The following MEIS1 variants were observed in gnomAD, a reference collection of about 807,000 sequenced individuals.
MEIS1 encodes the protein Meis homeobox 1.
A neutral mutation model predicts 50.8 loss-of-function variants in MEIS1; 5 were observed. The ratio of observed to expected loss-of-function variants is 0.10; its 90% CI spans 0.05 to 0.21. The LOEUF (loss-of-function observed/expected upper bound fraction) is 0.21. Ranked by LOEUF, MEIS1 falls within the 10% of genes least tolerant of loss-of-function variation. The probability of loss-of-function intolerance (pLI) is 1.00; values close to 1 mark genes in which losing one functional copy is unlikely to be tolerated. For missense variants in MEIS1, 318 were observed against 517.3 expected, an observed-to-expected ratio of 0.61 and a Z score of 3.74; for synonymous variants, 176 against 179.3, an observed-to-expected ratio of 0.98 and a Z score of 0.15.
chr2:66,546,202 G>A (rs1674787674), intron 8 of MEIS1, among the ~76,000 whole-genome samples: 1 of 152,198 alleles, frequency 6.6e-6, no homozygotes, highest in African/African-American at 2.4e-5. Context: ...GTGCTGGGAG[G>A]TGGGGAGGGT....
Position 66,437,840 on chromosome 2 carries a change from T to C in MEIS1, c.116T>C (p.Leu39Pro). ...AGGTCCATGCAGCCGGTCCACCACC[T>C]GAACCACGGGCCTCCTCTGCACTCG... ...AARSMQPVHH[L>P]NHGPPLHSHQ... The change falls in exon 2 of 13, where the codon CTG becomes CCG. Residue 39 changes from leucine (L) to proline (P), a missense_variant. Leu to Pro is a moderately conservative substitution (Grantham distance 98). Around this residue, in one of 6 missense-constraint regions of MEIS1, gnomAD observed 100 missense variants for 107.1 expected, o/e 0.93. Transcript: ENST00000272369. The C allele has an allele frequency of 6.2e-7, 1 of 1,613,882 alleles. No homozygotes were observed. Among genetic ancestry groups the C allele is most frequent in the Non-Finnish European group, 8.5e-7 (1 of 1,179,850 alleles).
intron 12 of MEIS1, 165 bp downstream of exon 12, chr2:66,569,310 T>A: frequency 1.7e-6 from 1 of 578,722 alleles, no homozygotes; most frequent in Non-Finnish European, 3.0e-6. Context: ...ATCAAGCTTT[T>A]AAGCTTATAA....
intron 6 of MEIS1, among the ~76,000 whole-genome samples, chr2:66,450,689 T>C (rs902290194): frequency 2.6e-5 from 4 of 152,128 alleles, no homozygotes; most frequent in Admixed American, 2.6e-4. Context: ...AATAAGATTT[T>C]TGAGTGATAT....
At chr2:66,532,327 A>T (rs549764715) in intron 8 of MEIS1, among the ~76,000 whole-genome samples, 1 of 152,254 alleles carries the variant, frequency 6.6e-6, no homozygotes, top group Admixed American at 6.5e-5. Flanking sequence ...TCCCTCATTT[A>T]TAATAAATCT....
At chr2:66,450,512 G>C (rs778919157) in intron 6 of MEIS1, among the ~76,000 whole-genome samples, 1 of 152,090 alleles carries the variant, frequency 6.6e-6, no homozygotes, top group Non-Finnish European at 1.5e-5. Flanking sequence ...TTATTAATAA[G>C]TTTACGAAGT....
At chr2:66,447,122 T>G (rs767225719) in intron 6 of MEIS1, among the ~76,000 whole-genome samples, 5 of 152,216 alleles carry the variant, frequency 3.3e-5, no homozygotes, top group Non-Finnish European at 7.3e-5. Context: ...GGATGGGATC[T>G]GCTGCTTTAG....
At chr2:66,445,829 C>T (rs1194306831) in intron 6 of MEIS1, among the ~76,000 whole-genome samples, 2 of 152,102 alleles carry the variant, frequency 1.3e-5, no homozygotes, top group African/African-American at 4.8e-5. Flanking sequence ...CTTTTTCTTT[C>T]TTCTCTCTTT....
chr2:66,444,950 G>A (rs1672092644), intron 6 of MEIS1, among the ~76,000 whole-genome samples: 1 of 152,126 alleles, frequency 6.6e-6, no homozygotes, highest in African/African-American at 2.4e-5. Context: ...TTTTATTAAA[G>A]TCAAAGATAA....
At chr2:66,509,118 C>G (rs1369784119) in intron 7 of MEIS1, 1 of 467,014 alleles carries the variant, frequency 2.1e-6, no homozygotes, top group Non-Finnish European at 4.4e-6. Context: ...AATGGAAATG[C>G]TAAAGGTACA....
chr2:66,472,274 G>A (rs1360922540), intron 7 of MEIS1, among the ~76,000 whole-genome samples: 1 of 152,192 alleles, frequency 6.6e-6, no homozygotes, highest in African/African-American at 2.4e-5. Flanking sequence ...CAGAAGTGAG[G>A]AAGTTAATTT....
intron 8 of MEIS1, among the ~76,000 whole-genome samples, chr2:66,516,829 C>T (rs1433579259): frequency 1.3e-5 from 2 of 152,130 alleles, no homozygotes; most frequent in African/African-American, 4.8e-5. Context: ...TCATTGGTTT[C>T]GTTTTTAGTA....
chr2:66,561,838 G>A (rs981160114), intron 9 of MEIS1, among the ~76,000 whole-genome samples: 1 of 152,026 alleles, frequency 6.6e-6, no homozygotes. Flanking sequence ...GAAACACGAC[G>A]GGGGGTGAAG....
chr2:66,455,645 T>A (rs1211706090), intron 6 of MEIS1, among the ~76,000 whole-genome samples: 1 of 152,206 alleles, frequency 6.6e-6, no homozygotes, highest in Non-Finnish European at 1.5e-5. Context: ...GAAAGTGTTC[T>A]GTGGTATTCA....
chr2:66,532,237 G>A (rs922770383), intron 8 of MEIS1, among the ~76,000 whole-genome samples: 10 of 152,068 alleles, frequency 6.6e-5, no homozygotes, highest in Admixed American at 2.6e-4. Context: ...ATTAAACCCC[G>A]TAGGCAGATT....
intron 6 of MEIS1, among the ~76,000 whole-genome samples, chr2:66,449,292 ATACAGTCTCC>A (rs1387673768): frequency 6.6e-6 from 1 of 152,068 alleles, no homozygotes; most frequent in Non-Finnish European, 1.5e-5. Flanking sequence ...AACATATAAA[ATACAGTCTCC>A]CAATTTAAGT....
rs773008465 is a variant in MEIS1, at chr2:66,562,675, G to T, written c.966-4778G>T. 1.3e-3 allele frequency among the ~76,000 whole-genome samples: 202 copies of T among 151,918 alleles called. 3 individuals carry two copies. The highest frequency in any genetic ancestry group is 9.7e-4 in the Non-Finnish European group (66 of 67,968). On this transcript the variant is annotated intron_variant, in intron 9 of 12. Coordinates refer to ENST00000272369, the MANE Select transcript of MEIS1 (RefSeq NM_002398.3). ...AAGAAATATATTTCTATTTGGACATGAAAAAAAGCTATAGAGCAAACCCAT... is the reference window on the plus strand; with the variant it reads ...AAGAAATATATTTCTATTTGGACATTAAAAAAAGCTATAGAGCAAACCCAT...
chr2:66,518,562 A>C (rs72895182), intron 8 of MEIS1, among the ~76,000 whole-genome samples: 17,915 of 152,174 alleles, frequency 0.12, 1,352 homozygotes, highest in African/African-American at 0.21. Context: ...AGCCATTTGT[A>C]CTTCAAAGTG....
chr2:66,523,491 T>C (rs73937945), intron 8 of MEIS1, among the ~76,000 whole-genome samples: 2,201 of 152,360 alleles, frequency 0.014, 52 homozygotes, highest in African/African-American at 0.051. Context: ...GTTGTTGCAA[T>C]AGCACCATAA....
intron 7 of MEIS1, among the ~76,000 whole-genome samples, chr2:66,488,432 A>G (rs944065546): frequency 2.6e-5 from 4 of 152,212 alleles, no homozygotes; most frequent in African/African-American, 9.6e-5. Context: ...TAATCCCAGC[A>G]CTTTGGGAGG....
Sources: gnomAD v4.1 joint callset for allele counts (sites outside exome capture counted in the v4.1 genomes callset) on GRCh38, gnomAD v4.1.1 for gene constraint, gnomAD v4.1.1 regional missense constraint, MANE v1.5 for transcripts, NCBI Gene and HGNC (gene_info 2026-07-23, HGNC 2026-07-21) for gene names.